Variants in ST6GALNAC3 observed in about 807,000 individuals in gnomAD.
The protein encoded by ST6GALNAC3 is ST6 N-acetylgalactosaminide alpha-2,6-sialyltransferase 3, also known as alpha-N-acetylgalactosaminide alpha-2,6-sialyltransferase 3.
In ST6GALNAC3, 25 loss-of-function variants were observed where a neutral mutation model predicts 32.7. That is an observed-to-expected ratio of 0.76 (90% CI 0.56 to 1.07). The LOEUF (loss-of-function observed/expected upper bound fraction) is 1.07. ST6GALNAC3 is among the 50% of genes least tolerant of loss of function. The pLI is 0.00. For synonymous variants in ST6GALNAC3, 129 were observed against 133.1 expected, an observed-to-expected ratio of 0.97 and a Z score of 0.21; for missense variants, 355 against 382.4, an observed-to-expected ratio of 0.93 and a Z score of 0.60.
At chr1:76,585,333 C>T in intron 3 of ST6GALNAC3, among the ~76,000 whole-genome samples, 1 of 151,220 alleles carries the variant, frequency 6.6e-6, no homozygotes, top group Non-Finnish European at 1.5e-5. Context: ...TTGCAGTGAG[C>T]TAAGATCATG....
intron 2 of ST6GALNAC3, among the ~76,000 whole-genome samples, chr1:76,335,506 C>G (rs972005766): frequency 6.6e-6 from 1 of 151,972 alleles, no homozygotes. Context: ...GTGAACCTCA[C>G]GTGCACAGCT....
chr1:76,166,422 T>C (rs1459232541), intron 1 of ST6GALNAC3, among the ~76,000 whole-genome samples: 1 of 152,170 alleles, frequency 6.6e-6, no homozygotes, highest in Non-Finnish European at 1.5e-5. Flanking sequence ...CAGTTTGAAG[T>C]CCAGTAGCAT....
intron 2 of ST6GALNAC3, among the ~76,000 whole-genome samples, chr1:76,323,257 A>G (rs1315740063): frequency 6.6e-6 from 1 of 152,226 alleles, no homozygotes; most frequent in Non-Finnish European, 1.5e-5. Context: ...AATATCTCTG[A>G]AAAATAATTG....
intron 3 of ST6GALNAC3, among the ~76,000 whole-genome samples, chr1:76,578,739 C>G (rs949176915): frequency 5.9e-5 from 9 of 151,908 alleles, no homozygotes; most frequent in African/African-American, 2.2e-4. Flanking sequence ...CACTACCTAC[C>G]CATGCCACCA....
intron 1 of ST6GALNAC3, among the ~76,000 whole-genome samples, chr1:76,150,710 C>G (rs1456953594): frequency 6.6e-6 from 1 of 152,212 alleles, no homozygotes; most frequent in Non-Finnish European, 1.5e-5. Flanking sequence ...CGTACACTCC[C>G]TGCTTCGTTC....
At chr1:76,549,155 T>A (rs1664469632) in intron 3 of ST6GALNAC3, among the ~76,000 whole-genome samples, 1 of 152,202 alleles carries the variant, frequency 6.6e-6, no homozygotes, top group Non-Finnish European at 1.5e-5. Flanking sequence ...TAACGAACAC[T>A]CAAATTCCCA....
chr1:76,494,436 T>C (rs1423159454), intron 3 of ST6GALNAC3, among the ~76,000 whole-genome samples: 1 of 46,556 alleles, frequency 2.1e-5, no homozygotes, highest in Non-Finnish European at 4.8e-5. Flanking sequence ...TGTGTATATA[T>C]ATATATATAT....
At chr1:76,214,579 C>T (rs1655352311) in intron 1 of ST6GALNAC3, among the ~76,000 whole-genome samples, 1 of 152,124 alleles carries the variant, frequency 6.6e-6, no homozygotes, top group Non-Finnish European at 1.5e-5. Context: ...AGTTACTACA[C>T]ATTTACTTCA....
chr1:76,082,896 T>C (rs1290828653), intron 1 of ST6GALNAC3, among the ~76,000 whole-genome samples: 1 of 152,014 alleles, frequency 6.6e-6, no homozygotes, highest in African/African-American at 2.4e-5. Context: ...TTTAAAGGTG[T>C]GTTTCTCTGT....
At chr1:76,321,985 T>A (rs1483438723) in intron 2 of ST6GALNAC3, among the ~76,000 whole-genome samples, 1 of 152,222 alleles carries the variant, frequency 6.6e-6, no homozygotes, top group Non-Finnish European at 1.5e-5. Flanking sequence ...TTTAATGTAG[T>A]GATCGGTTCC....
Position 76,508,684 on chromosome 1 carries a change from G to A in ST6GALNAC3, c.623+96267G>A, listed in dbSNP as rs1217836511. On this transcript the variant is annotated intron_variant, in intron 3 of 4. Coordinates refer to ENST00000328299, the MANE Select transcript of ST6GALNAC3 (RefSeq NM_152996.4). ...GCTTCACAGCAAGCACCAGCCAGGG[G>A]CTTAGCTGGACCCCAGGTTTCTAGG... is the stretch of plus-strand genomic sequence containing the variant. Among the ~76,000 whole-genome samples the A allele has an allele frequency of 2.0e-5, 3 of 152,200 alleles. No individual in the cohort carries two copies. The East Asian group carries it at 5.8e-4, about 29-fold the overall frequency.
intron 3 of ST6GALNAC3, among the ~76,000 whole-genome samples, chr1:76,456,568 A>T (rs977573132): frequency 6.6e-6 from 1 of 152,200 alleles, no homozygotes; most frequent in Non-Finnish European, 1.5e-5. Flanking sequence ...CAATAAATGT[A>T]ATCCAGCATA....
chr1:76,122,371 C>T (rs1423929159), intron 1 of ST6GALNAC3, among the ~76,000 whole-genome samples: 1 of 152,138 alleles, frequency 6.6e-6, no homozygotes, highest in Non-Finnish European at 1.5e-5. Context: ...TTCCTAACAC[C>T]TTCCAAAATA....
chr1:76,422,608 T>C (rs1323458181), intron 3 of ST6GALNAC3, among the ~76,000 whole-genome samples: 4 of 152,008 alleles, frequency 2.6e-5, no homozygotes, highest in Admixed American at 6.6e-5. Flanking sequence ...CACAGATTGC[T>C]GGGCTCATTC....
chr1:76,477,780 A>G (rs889264215), intron 3 of ST6GALNAC3, among the ~76,000 whole-genome samples: 1 of 152,072 alleles, frequency 6.6e-6, no homozygotes, highest in African/African-American at 2.4e-5. Context: ...TACCCACTCA[A>G]TACAGATTTA....
intron 2 of ST6GALNAC3, among the ~76,000 whole-genome samples, chr1:76,350,852 T>G (rs1365162717): frequency 6.6e-6 from 1 of 152,194 alleles, no homozygotes; most frequent in Non-Finnish European, 1.5e-5. Context: ...AGCATTATAA[T>G]TCTGATATAT....
At chr1:76,251,720 G>T (rs1657627428) in intron 1 of ST6GALNAC3, among the ~76,000 whole-genome samples, 1 of 151,910 alleles carries the variant, frequency 6.6e-6, no homozygotes, top group Admixed American at 6.6e-5. Flanking sequence ...TTTTTCTCTT[G>T]CTCCAATCCC....
At position 76,336,127 on chromosome 1, in the gene ST6GALNAC3, A is replaced by G. The variant is rs566894784; in HGVS notation, c.213+22128A>G. The stretch of plus-strand genomic sequence containing the variant: ...AGGCTGAGAGGGCTGGGAAGAAGCT[A>G]TGATTTCTCACTGTGGATTTCCTCA... On this transcript the variant is annotated intron_variant, in intron 2 of 4. Coordinates refer to ENST00000328299, the MANE Select transcript of ST6GALNAC3 (RefSeq NM_152996.4). 2.6e-5 allele frequency among the ~76,000 whole-genome samples: 4 copies of G among 152,314 alleles called. No individual in the cohort carries two copies. In the South Asian group the frequency reaches 8.3e-4, roughly 32 times the overall value.
rs556468098 is a variant in ST6GALNAC3 at position 76,493,018 on chromosome 1, G to C, written c.623+80601G>C. Among the ~76,000 whole-genome samples, 6 of 151,762 alleles carry C rather than the reference G, an allele frequency of 4.0e-5. 1 individual carries two copies. In the South Asian group the frequency reaches 8.3e-4, roughly 21 times the overall value. ...AGAAAGAGGAAGGACATGAAACAAA[G>C]AGTTGACACCTTCTTTTTTTTTTTT... On this transcript the variant is annotated intron_variant, in intron 3 of 4. Transcript: ENST00000328299.
Sources: gnomAD v4.1 joint callset for allele counts (sites outside exome capture counted in the v4.1 genomes callset) on GRCh38, gnomAD v4.1.1 for gene constraint, MANE v1.5 for transcripts, NCBI Gene and HGNC (gene_info 2026-07-23, HGNC 2026-07-21) for gene names.